Variants in S100A8 observed in about 807,000 individuals in gnomAD.
The protein encoded by S100A8 is protein S100-A8.
In S100A8, 1 loss-of-function variant was observed where a neutral mutation model predicts 4.2. The observed-to-expected ratio is 0.24, with a 90% CI of 0.08 to 1.12. The LOEUF (loss-of-function observed/expected upper bound fraction) is 1.12. Among genes scored for constraint, S100A8 ranks in the 50% most tolerant of loss-of-function variants. S100A8 has a pLI of 0.53. For missense variants in S100A8, 96 were observed against 111.8 expected, an observed-to-expected ratio of 0.86 and a Z score of 0.64; for synonymous variants, 41 against 44.7, an observed-to-expected ratio of 0.92 and a Z score of 0.33.
chr1:153,409,248 A>T, the S100A8 span, among the ~76,000 whole-genome samples: 23 of 152,202 alleles, frequency 1.5e-4, no homozygotes, highest in African/African-American at 5.3e-4. Flanking sequence ...AGGTGGAGAG[A>T]TACACATAGG....
chr1:153,407,913 G>T, the S100A8 span, among the ~76,000 whole-genome samples: 1 of 152,200 alleles, frequency 6.6e-6, no homozygotes, highest in South Asian at 2.1e-4. Flanking sequence ...GGTCCTGACT[G>T]TTAGAAGGAA....
the S100A8 span, among the ~76,000 whole-genome samples, chr1:153,410,931 C>A: frequency 1.7e-3 from 252 of 152,240 alleles, 1 homozygote; most frequent in Non-Finnish European, 2.8e-3. Context: ...ATTCAACAGC[C>A]CTTCATGCTA....
At chr1:153,413,226 T>A in the S100A8 span, among the ~76,000 whole-genome samples, 8 of 152,330 alleles carry the variant, frequency 5.3e-5, no homozygotes, top group South Asian at 1.5e-3. Flanking sequence ...TTATATGTAT[T>A]CTCTATGGTC....
At chr1:153,395,264 C>T (rs1662189667), upstream of S100A8, among the ~76,000 whole-genome samples, 1 of 152,146 alleles carries the variant, frequency 6.6e-6, no homozygotes, top group African/African-American at 2.4e-5. Flanking sequence ...CTACTCATTG[C>T]TCTTCCCTTA....
the S100A8 span, chr1:153,420,283 C>T: frequency 2.6e-5 from 4 of 152,234 alleles, no homozygotes; most frequent in Non-Finnish European, 4.4e-5. Context: ...CAGTGCTGTC[C>T]TAGCAGTGCA....
upstream of S100A8, among the ~76,000 whole-genome samples, chr1:153,391,701 A>T (rs1662102828): frequency 6.6e-6 from 1 of 152,166 alleles, no homozygotes; most frequent in South Asian, 2.1e-4. Flanking sequence ...ACTCCTCCAC[A>T]GCTTTCCTGT....
chr1:153,417,618 G>A, the S100A8 span, among the ~76,000 whole-genome samples: 1 of 152,184 alleles, frequency 6.6e-6, no homozygotes, highest in Non-Finnish European at 1.5e-5. Context: ...AAGCAGCCGA[G>A]GAGGGTCAGA....
the S100A8 span, among the ~76,000 whole-genome samples, chr1:153,416,304 G>A: frequency 6.6e-6 from 1 of 152,164 alleles, no homozygotes; most frequent in Non-Finnish European, 1.5e-5. Flanking sequence ...TCAAGATTGA[G>A]CCAGAGAAGG....
upstream of S100A8, among the ~76,000 whole-genome samples, chr1:153,394,793 T>A (rs1193182447): frequency 6.6e-6 from 1 of 152,090 alleles, no homozygotes; most frequent in African/African-American, 2.4e-5. Flanking sequence ...CAATCCACCA[T>A]GTTTGGCGCA....
the S100A8 span, chr1:153,418,994 A>G: frequency 1.3e-6 from 1 of 792,336 alleles, no homozygotes; most frequent in African/African-American, 1.7e-5. Flanking sequence ...CCTCACCCCA[A>G]CTTCACCCAC....
the S100A8 span, among the ~76,000 whole-genome samples, chr1:153,416,145 A>C: frequency 6.6e-6 from 1 of 152,202 alleles, no homozygotes; most frequent in Non-Finnish European, 1.5e-5. Context: ...GTCACAACAA[A>C]TGTGTGGAAG....
intron 1 of S100A8, 121 bp downstream of exon 1, chr1:153,390,920 G>C: frequency 1.4e-6 from 1 of 700,650 alleles, no homozygotes; most frequent in African/African-American, 1.9e-5. Flanking sequence ...ACCTCCAGGA[G>C]TATCTTTGCT....
the S100A8 span, among the ~76,000 whole-genome samples, chr1:153,396,366 G>A: frequency 9.1e-4 from 139 of 152,382 alleles, 1 homozygote; most frequent in African/African-American, 3.2e-3. Context: ...TGGATTGTAG[G>A]TGAAGCCCAG....
At chr1:153,396,635 G>T in the S100A8 span, 310 of 152,462 alleles carry the variant, frequency 2.0e-3, no homozygotes, top group Admixed American at 4.2e-3. Context: ...CACAGCTGCT[G>T]GTGGTAGTGC....
chr1:153,395,418 C>T (rs1156901092), upstream of S100A8, among the ~76,000 whole-genome samples: 1 of 152,192 alleles, frequency 6.6e-6, no homozygotes, highest in African/African-American at 2.4e-5. Flanking sequence ...TCGCCAGCAC[C>T]TGAAACCTCC....
chr1:153,416,192 T>C, the S100A8 span, among the ~76,000 whole-genome samples: 1 of 152,184 alleles, frequency 6.6e-6, no homozygotes, highest in African/African-American at 2.4e-5. Context: ...ATGCTGCCTT[T>C]GGGAGTCTGA....
upstream of S100A8, among the ~76,000 whole-genome samples, chr1:153,394,150 C>T (rs1179073607): frequency 6.6e-6 from 1 of 152,186 alleles, no homozygotes; most frequent in African/African-American, 2.4e-5. Flanking sequence ...GTCATGTTTA[C>T]AGGAAAGGGC....
chr1:153,395,987 C>T (rs1042868490), upstream of S100A8, among the ~76,000 whole-genome samples: 2 of 152,248 alleles, frequency 1.3e-5, no homozygotes, highest in African/African-American at 4.8e-5. Context: ...CTACCCTCAC[C>T]CCTGTGCTAC....
At chr1:153,408,147 C>T in the S100A8 span, among the ~76,000 whole-genome samples, 1 of 152,196 alleles carries the variant, frequency 6.6e-6, no homozygotes, top group African/African-American at 2.4e-5. Flanking sequence ...GAGAAGAAGG[C>T]TTCAGATGAT....
Sources: gnomAD v4.1 joint callset for allele counts (sites outside exome capture counted in the v4.1 genomes callset) on GRCh38, gnomAD v4.1.1 for gene constraint, MANE v1.5 for transcripts, NCBI Gene and HGNC (gene_info 2026-07-23, HGNC 2026-07-21) for gene names.